Variants in MED15 observed in about 807,000 individuals in gnomAD.
MED15 encodes the protein mediator of RNA polymerase II transcription subunit 15.
In MED15, 41 loss-of-function variants were observed where a neutral mutation model predicts 118.7. The observed-to-expected ratio is 0.35, with a 90% CI of 0.27 to 0.45. The LOEUF (loss-of-function observed/expected upper bound fraction) is 0.45. Among genes scored for constraint, MED15 ranks in the 20% least tolerant of loss-of-function variants. The pLI is 1.00. For missense variants in MED15, 740 were observed against 1,025.5 expected, an observed-to-expected ratio of 0.72 and a Z score of 3.80; for synonymous variants, 436 against 413.9, an observed-to-expected ratio of 1.05 and a Z score of -0.65.
At chr22:20,522,973 T>C (rs1400834591) in intron 1 of MED15, 1 of 152,198 alleles carries the variant, frequency 6.6e-6, no homozygotes, top group East Asian at 1.9e-4. Context: ...GGTCAGTACC[T>C]TCAGGACTTG....
In MED15 at chr22:20,546,514, T is replaced by G. The variant is rs1325640784; in HGVS notation, c.157-4922T>G. Among the ~76,000 whole-genome samples, 6 of 150,466 alleles carry G rather than the reference T, an allele frequency of 4.0e-5. No homozygotes were observed. The South Asian group carries it at 6.3e-4, about 16-fold the overall frequency. ...TTCGTTACATGGAGTTTTTTTTGTT[T>G]TTTTTTTTTTGTCAAGAAAGGTTTT... On this transcript the variant is annotated intron_variant, in intron 2 of 17. Coordinates refer to ENST00000263205, the MANE Select transcript of MED15 (RefSeq NM_001003891.3).
chr22:20,532,284 TG>T (rs1323635080), intron 1 of MED15, among the ~76,000 whole-genome samples: 7 of 152,204 alleles, frequency 4.6e-5, no homozygotes, highest in Admixed American at 1.3e-4. Context: ...GTTTCTGGGA[TG>T]GGCACTTGGT....
chr22:20,565,278 C>T (rs1433619663), intron 6 of MED15, among the ~76,000 whole-genome samples: 1 of 152,150 alleles, frequency 6.6e-6, no homozygotes, highest in African/African-American at 2.4e-5. Flanking sequence ...GCGAGGGATT[C>T]AAACAAGAGT....
At chr22:20,514,783 C>G (rs899324852) in intron 1 of MED15, among the ~76,000 whole-genome samples, 1 of 152,228 alleles carries the variant, frequency 6.6e-6, no homozygotes, top group Non-Finnish European at 1.5e-5. Context: ...CTTAAACTTG[C>G]AAGCCCAGAT....
intron 1 of MED15, among the ~76,000 whole-genome samples, chr22:20,528,918 G>A (rs1371968231): frequency 2.6e-5 from 4 of 152,174 alleles, no homozygotes; most frequent in Non-Finnish European, 5.9e-5. Context: ...TACCCACAGT[G>A]TAAAGTTGGG....
chr22:20,555,618 G>A (rs1253716233), intron 5 of MED15, among the ~76,000 whole-genome samples: 1 of 152,246 alleles, frequency 6.6e-6, no homozygotes, highest in Non-Finnish European at 1.5e-5. Context: ...AGGAGACTCT[G>A]TGTCCTCTCC....
At chr22:20,510,654 A>C (rs1352779260) in intron 1 of MED15, among the ~76,000 whole-genome samples, 2 of 152,262 alleles carry the variant, frequency 1.3e-5, no homozygotes, top group East Asian at 3.9e-4. Context: ...CTTTGTTCCC[A>C]GAAGCTGCCC....
chr22:20,571,324 C>T lies in MED15; in HGVS notation c.1152+2693C>T, dbSNP rs532010854. On this transcript the variant is annotated intron_variant, in intron 8 of 17. Transcript: ENST00000263205. ...ACCCCTTGTTTCAGGTGGAGGTCCC[C>T]GCCCGACTGGCACAGGAAGGAGGAT... Among the ~76,000 whole-genome samples, 5 of 152,332 alleles carry T rather than the reference C, an allele frequency of 3.3e-5. No individual in the cohort carries two copies. In the East Asian group the frequency reaches 7.7e-4, roughly 24 times the overall value.
intron 5 of MED15, among the ~76,000 whole-genome samples, chr22:20,556,105 T>C (rs2055993167): frequency 6.6e-6 from 1 of 152,212 alleles, no homozygotes; most frequent in Non-Finnish European, 1.5e-5. Context: ...CTTTAGTGTT[T>C]TTTTCCCCTT....
intron 1 of MED15, among the ~76,000 whole-genome samples, chr22:20,524,701 A>C (rs1000020117): frequency 1.3e-5 from 2 of 152,192 alleles, no homozygotes; most frequent in Admixed American, 6.5e-5. Context: ...GGCTGACTGC[A>C]ACCTCCGCCT....
chr22:20,583,138 A>T lies in MED15; in HGVS notation c.1563A>T (p.Pro521=). The part of the protein sequence containing the change: ...TPVNPSSVMS[P]AGSSQAEEQQ... ...TGAACCCCAGCTCTGTCATGAGCCCAGCTGGCTCCAGCCAGGCTGAGGAGC... is the reference window on the plus strand; with the variant it reads ...TGAACCCCAGCTCTGTCATGAGCCCTGCTGGCTCCAGCCAGGCTGAGGAGC... The change falls in exon 12 of 18, where the codon CCA becomes CCT. Residue 521 remains proline, a synonymous_variant. Transcript: ENST00000263205. 1 of 1,604,922 alleles carries T rather than the reference A, an allele frequency of 6.2e-7. No individual in the cohort carries two copies. Among genetic ancestry groups the T allele is most frequent in the Non-Finnish European group, 8.5e-7 (1 of 1,175,890 alleles).
intron 9 of MED15, among the ~76,000 whole-genome samples, chr22:20,576,825 T>A (rs966935195): frequency 3.3e-5 from 5 of 152,210 alleles, no homozygotes; most frequent in Non-Finnish European, 5.9e-5. Flanking sequence ...TCTCCTTGAC[T>A]AGACCCCTTT....
At chr22:20,574,958 G>GT (rs757988577) in intron 8 of MED15, 155 bp from the exon 9 acceptor site, 13 of 980,652 alleles carry the variant, frequency 1.3e-5, no homozygotes, top group Admixed American at 2.1e-5. Context: ...GCTTGAACAT[G>GT]TGGGTGGCCT....
rs185360125 is a variant in MED15 at position 20,512,930 on chromosome 22, C to T, written c.68+5184C>T. On this transcript the variant is annotated intron_variant, in intron 1 of 17. Coordinates refer to ENST00000263205, the MANE Select transcript of MED15 (RefSeq NM_001003891.3). ...CTAATTTTTGTATTTTTAGTAGAGA[C>T]GGGGTTTCACCATGTTGGTCAGGCT... Among the ~76,000 whole-genome samples, 990 of 151,838 alleles carry T rather than the reference C, an allele frequency of 6.5e-3. 7 individuals are homozygous for T. Among genetic ancestry groups the T allele is most frequent in the Non-Finnish European group, 9.6e-3 (652 of 67,926 alleles).
At chr22:20,550,911 CA>C (rs573901559) in intron 2 of MED15, 149 of 350,606 alleles carry the variant, frequency 4.2e-4, no homozygotes, top group South Asian at 3.0e-3. Context: ...GAGATGAACA[CA>C]GATTCTCCCG....
At chr22:20,529,297 G>A (rs895844427) in intron 1 of MED15, among the ~76,000 whole-genome samples, 9 of 152,134 alleles carry the variant, frequency 5.9e-5, no homozygotes, top group African/African-American at 1.9e-4. Context: ...ACCCAGGCTG[G>A]AGTGCAGTGG....
chr22:20,541,342 A>G lies in MED15; in HGVS notation c.156+4138A>G, dbSNP rs138597403. On this transcript the variant is annotated intron_variant, in intron 2 of 17. Coordinates refer to ENST00000263205, the MANE Select transcript of MED15 (RefSeq NM_001003891.3). ...CAAAGAAGAGATACAAATGGCCAAC[A>G]ACCATGTGAAAAGATGCTCAACATC... Among the ~76,000 whole-genome samples, 13 of 152,344 alleles carry G rather than the reference A, an allele frequency of 8.5e-5. No individual in the cohort carries two copies. In the East Asian group the frequency reaches 2.5e-3, roughly 29 times the overall value.
intron 1 of MED15, among the ~76,000 whole-genome samples, chr22:20,526,604 T>C (rs924791733): frequency 3.9e-5 from 6 of 152,266 alleles, no homozygotes; most frequent in African/African-American, 1.4e-4. Flanking sequence ...TGCCCAGTTT[T>C]CTGTGTATCT....
At position 20,507,653 on chromosome 22, in the gene MED15, C is replaced by T. The variant is rs930121688; in HGVS notation, c.-26C>T. 1.2e-6 allele frequency: 2 copies of T among 1,613,580 alleles called. No homozygotes were observed. The highest frequency in any genetic ancestry group is 8.5e-7 in the Non-Finnish European group (1 of 1,179,696). On this transcript the variant is annotated 5_prime_UTR_variant, in exon 1 of 18. The change creates a new upstream start codon in the 5' untranslated region. Transcript: ENST00000263205. ...GCGGCGGTGGCGGCCAAGCGGGATACGGGCGGCGGGAGCTGGGGAACAGGC... is the reference window on the plus strand; with the variant it reads ...GCGGCGGTGGCGGCCAAGCGGGATATGGGCGGCGGGAGCTGGGGAACAGGC...
Sources: gnomAD v4.1 joint callset for allele counts (sites outside exome capture counted in the v4.1 genomes callset) on GRCh38, gnomAD v4.1.1 for gene constraint, MANE v1.5 for transcripts, NCBI Gene and HGNC (gene_info 2026-07-23, HGNC 2026-07-21) for gene names.